GAREM2: variants seen among roughly 807,000 people sequenced by gnomAD.
GAREM2 encodes the protein GRB2-associated and regulator of MAPK protein 2.
In GAREM2, 30 loss-of-function variants were observed where a neutral mutation model predicts 55.6. That is an observed-to-expected ratio of 0.54 (90% CI 0.40 to 0.73). The LOEUF is 0.73. Ranked by LOEUF, GAREM2 falls within the 30% of genes least tolerant of loss-of-function variation. The pLI is 0.00. For synonymous variants in GAREM2, 550 were observed against 569.1 expected, an observed-to-expected ratio of 0.97 and a Z score of 0.48; for missense variants, 1,075 against 1,257.7, an observed-to-expected ratio of 0.85 and a Z score of 2.20.
At chr2:26,176,592 G>A (rs1436282945) in intron 2 of GAREM2, 108 bp downstream of exon 2, 1 of 1,094,144 alleles carries the variant, frequency 9.1e-7, no homozygotes, top group Non-Finnish European at 1.2e-6. Context: ...GGTGATTAGG[G>A]TTAGGGTTGG....
chr2:26,185,416 G>T, intron 4 of GAREM2, 140 bp downstream of exon 4: 1 of 1,310,198 alleles, frequency 7.6e-7, no homozygotes, highest in Non-Finnish European at 9.9e-7. Context: ...AAGGGCAGAG[G>T]CATGCCAGGC....
At chr2:26,185,814 A>T (rs1355314690) in intron 4 of GAREM2, among the ~76,000 whole-genome samples, 1 of 152,164 alleles carries the variant, frequency 6.6e-6, no homozygotes, top group Non-Finnish European at 1.5e-5. Context: ...TGCAGGTGGC[A>T]GACGCTTCCT....
At position 26,187,884 on chromosome 2, in the gene GAREM2, A is replaced by C; in HGVS notation, c.2252A>C (p.His751Pro). 1 of 1,438,536 alleles carries C rather than the reference A, an allele frequency of 7.0e-7. No homozygotes were observed. The highest frequency in any genetic ancestry group is 9.2e-7 in the Non-Finnish European group (1 of 1,091,018). The allele number at this position is 1,438,536 out of a possible 1,614,324, so 89.1% of individuals were successfully genotyped here. A position where few individuals can be genotyped will look rare whatever the true frequency, so the allele number is the denominator to read the frequency against. Reference protein sequence around the residue: ...KAFEPEGLVLHQVPTPLSPAA... With the variant: ...KAFEPEGLVLPQVPTPLSPAA... ...TTTGAGCCTGAAGGTTTGGTGCTGC[A>C]CCAGGTCCCCACCCCACTGTCACCA... The change falls in exon 6 of 6, where the codon CAC (histidine) becomes CCC (proline). Residue 751 changes from histidine (H) to proline (P), a missense_variant. His to Pro is a moderately conservative substitution (Grantham distance 77). This residue lies in a region of GAREM2 where 142 missense variants were observed against 172.3 expected (regional missense o/e 0.82). Coordinates refer to ENST00000401533, the MANE Select transcript of GAREM2 (RefSeq NM_001168241.2).
chr2:26,176,173 C>T (rs1338561877), intron 1 of GAREM2, among the ~76,000 whole-genome samples, 171 bp from the exon 2 acceptor site: 1 of 152,204 alleles, frequency 6.6e-6, no homozygotes, highest in Non-Finnish European at 1.5e-5. Context: ...CAGCCCCAGG[C>T]CCCAGCTGGC....
Position 26,185,220 on chromosome 2 carries a change from C to T in GAREM2, c.1372C>T (p.Pro458Ser), listed in dbSNP as rs1335247712. ...LDLISFGAAG[P>S]PRREPEAPPP... ...TCTCATCTCCTTCGGGGCCGCGGGACCGCCGCGTCGGGAGCCGGAAGCGCC... is the reference window on the plus strand; with the variant it reads ...TCTCATCTCCTTCGGGGCCGCGGGATCGCCGCGTCGGGAGCCGGAAGCGCC... Residue 458 changes from proline (P) to serine (S), a missense_variant, in exon 4 of 6, where the codon CCG becomes TCG. Pro to Ser is a moderately conservative substitution (Grantham distance 74). Transcript: ENST00000401533. 6 of 1,521,374 alleles carry T rather than the reference C, an allele frequency of 3.9e-6. No individual in the cohort carries two copies. The highest frequency in any genetic ancestry group is 5.3e-6 in the Non-Finnish European group (6 of 1,141,406). 94.2% of individuals were successfully genotyped at this position (1,521,374 alleles called of 1,614,324 possible).
At chr2:26,199,586 T>G in the GAREM2 span, among the ~76,000 whole-genome samples, 1 of 152,200 alleles carries the variant, frequency 6.6e-6, no homozygotes, top group Non-Finnish European at 1.5e-5. Flanking sequence ...AAGTAGAGTC[T>G]GTTTCCCTTC....
chr2:26,194,603 C>T (rs541069396), downstream of GAREM2: 26 of 1,612,238 alleles, frequency 1.6e-5, no homozygotes, highest in East Asian at 4.5e-5. Flanking sequence ...ACATCATGGG[C>T]GCAAGACACC....
rs1669148593 is a variant in GAREM2 at position 26,184,343 on chromosome 2, C to T, written c.495C>T (p.Thr165=). The T allele has an allele frequency of 1.9e-6, 3 of 1,550,022 alleles. No homozygotes were observed. The East Asian group carries it at 7.3e-5, about 38-fold the overall frequency. Residue 165 remains threonine, a synonymous_variant, in exon 4 of 6, where the codon ACC becomes ACT. Coordinates refer to ENST00000401533, the MANE Select transcript of GAREM2 (RefSeq NM_001168241.2). The part of the protein sequence containing the change: ...GQAEILCAKT[T]KERSRFTTLL... ...CGGAGATCCTGTGCGCCAAGACCACCAAGGAGCGCTCGCGCTTCACCACCC... is the reference window on the plus strand; with the variant it reads ...CGGAGATCCTGTGCGCCAAGACCACTAAGGAGCGCTCGCGCTTCACCACCC...
the GAREM2 span, chr2:26,197,731 G>T: frequency 1.9e-6 from 3 of 1,562,148 alleles, no homozygotes; most frequent in Admixed American, 3.3e-5. Flanking sequence ...TTCACTGATT[G>T]GGAGAGCAGA....
In GAREM2 at chr2:26,186,235, G is replaced by A. The variant is rs1263948942; in HGVS notation, c.1475G>A (p.Arg492Gln). The A allele has an allele frequency of 2.6e-6, 4 of 1,546,946 alleles. No individual in the cohort carries two copies. The highest frequency in any genetic ancestry group is 1.4e-5 in the African/African-American group (1 of 73,028). ...CTCAATGCCCCTCCAGTGCCTCCCC[G>A]GGGTGGCAATGGCAGCGGCCGGCTC... is the stretch of plus-strand genomic sequence containing the variant. ...RLLNAPPVPPRGGNGSGRLSS... is the reference protein window; with the variant it reads ...RLLNAPPVPPQGGNGSGRLSS... The change falls in exon 5 of 6, where the codon CGG becomes CAG. Residue 492 changes from arginine to glutamine, a missense_variant. Coordinates refer to ENST00000401533, the MANE Select transcript of GAREM2 (RefSeq NM_001168241.2).
At chr2:26,185,347 C>A (rs1056062030) in intron 4 of GAREM2, 71 bp downstream of exon 4, 34 of 1,417,542 alleles carry the variant, frequency 2.4e-5, no homozygotes, top group Non-Finnish European at 3.0e-5. Context: ...TGGGCCCCGG[C>A]CCCGGAGTAT....
At chr2:26,190,454 C>T (rs114100900), downstream of GAREM2, among the ~76,000 whole-genome samples, 528 of 152,246 alleles carry the variant, frequency 3.5e-3, 1 homozygote, top group African/African-American at 0.012. Context: ...TCATGCTGCT[C>T]CCGTGCTGCC....
At chr2:26,184,173 T>A (rs1669141564) in intron 3 of GAREM2, 60 bp from the exon 4 acceptor site, 3 of 1,535,360 alleles carry the variant, frequency 2.0e-6, no homozygotes, top group Non-Finnish European at 2.6e-6. Flanking sequence ...CTCTGGGAGC[T>A]GGCCGTGTGG....
chr2:26,176,427 C>A lies in GAREM2; in HGVS notation c.196C>A (p.Leu66Met), dbSNP rs1224992666. 2 of 1,550,708 alleles carry A rather than the reference C, an allele frequency of 1.3e-6. No homozygotes were observed. The highest frequency in any genetic ancestry group is 1.7e-6 in the Non-Finnish European group (2 of 1,146,438). Residue 66 changes from leucine to methionine, a missense_variant, in exon 2 of 6, where the codon CTG (leucine) becomes ATG (methionine). Leu to Met is a conservative substitution (Grantham distance 15, BLOSUM62 2). This residue lies in a region of GAREM2 where 230 missense variants were observed against 310.6 expected (regional missense o/e 0.74). Coordinates refer to ENST00000401533, the MANE Select transcript of GAREM2 (RefSeq NM_001168241.2). ...RQWTTVTAHTLEEGHYVIGPK... is the reference protein window; with the variant it reads ...RQWTTVTAHTMEEGHYVIGPK... ...GTGGACAACGGTGACAGCTCATACCCTGGAGGAGGGCCACTATGTCATCGG... is the reference window on the plus strand; with the variant it reads ...GTGGACAACGGTGACAGCTCATACCATGGAGGAGGGCCACTATGTCATCGG...
In GAREM2 at chr2:26,185,066, C is replaced by T. The variant is rs959486455; in HGVS notation, c.1218C>T (p.Asp406=). ...PLAPAPAGEG[D]QEYVSPDWAA... ...CGCCGGCTCCCGCCGGCGAGGGCGA[C>T]CAGGAGTACGTGAGCCCCGACTGGG... is the stretch of plus-strand genomic sequence containing the variant. The change falls in exon 4 of 6, where the codon GAC becomes GAT. Residue 406 remains aspartate (D), a synonymous_variant. Transcript: ENST00000401533. The T allele has an allele frequency of 4.9e-5, 64 of 1,298,010 alleles. No homozygotes were observed. Among genetic ancestry groups the T allele is most frequent in the East Asian group, 3.2e-4 (10 of 31,480 alleles). The allele number at this position is 1,298,010 out of a possible 1,614,324, so 80.4% of individuals were successfully genotyped here. A position where few individuals can be genotyped will look rare whatever the true frequency, so the allele number is the denominator to read the frequency against.
chr2:26,203,162 T>A, the GAREM2 span, among the ~76,000 whole-genome samples: 1 of 152,256 alleles, frequency 6.6e-6, no homozygotes, highest in Admixed American at 6.5e-5. Context: ...CTTACAATAA[T>A]CTGCCAACAC....
intron 1 of GAREM2, 109 bp downstream of exon 1, chr2:26,173,441 C>A: frequency 3.7e-6 from 2 of 541,868 alleles, no homozygotes; most frequent in Non-Finnish European, 5.5e-6. Context: ...ACCCTCCCAG[C>A]TCCCCGGCGT....
chr2:26,173,715 T>C (rs1464410267), intron 1 of GAREM2, among the ~76,000 whole-genome samples: 2 of 150,726 alleles, frequency 1.3e-5, no homozygotes, highest in Non-Finnish European at 3.0e-5. Context: ...CACCTCTGTC[T>C]TCCCTCATCC....
At chr2:26,174,605 A>G (rs750295871) in intron 1 of GAREM2, among the ~76,000 whole-genome samples, 7 of 152,242 alleles carry the variant, frequency 4.6e-5, no homozygotes, top group East Asian at 1.9e-4. Flanking sequence ...TCCTTGCCCA[A>G]TAAAGATTAT....
Sources: allele counts gnomAD v4.1 joint callset (sites outside exome capture counted in the v4.1 genomes callset), GRCh38; gene constraint gnomAD v4.1.1; regional missense constraint gnomAD v4.1.1; transcripts MANE v1.5; gene names NCBI Gene and HGNC (gene_info 2026-07-23, HGNC 2026-07-21).